NHS: variants seen among roughly 807,000 people sequenced by gnomAD.
The protein encoded by NHS is actin remodeling regulator NHS.
NHS carries 5 observed loss-of-function variants against 72.5 expected under a neutral mutation model. That is an observed-to-expected ratio of 0.07 (90% CI 0.04 to 0.14). The LOEUF (loss-of-function observed/expected upper bound fraction) is 0.14, where lower values mean the gene tolerates loss of function less well. NHS is among the 10% of genes least tolerant of loss of function. The pLI is 1.00. For synonymous variants in NHS, 464 were observed against 547.7 expected, an observed-to-expected ratio of 0.85 and a Z score of 2.13; for missense variants, 1,072 against 1,355.7, an observed-to-expected ratio of 0.79 and a Z score of 3.29.
At chrX:17,448,052 C>T (rs868856007) in intron 1 of NHS, among the ~76,000 whole-genome samples, 1 of 111,542 alleles carries the variant, frequency 9.0e-6, no homozygotes, top group Admixed American at 9.6e-5. Flanking sequence ...TTTTGAGTTG[C>T]TTCCTTCTGA....
chrX:17,434,739 G>A (rs746927865), intron 1 of NHS, among the ~76,000 whole-genome samples: 5 of 111,379 alleles, frequency 4.5e-5, no homozygotes, highest in East Asian at 2.8e-4. Context: ...CACCACGCCC[G>A]GCCTCAAACA....
At chrX:17,516,083 A>G (rs1324048267) in intron 1 of NHS, among the ~76,000 whole-genome samples, 1 of 111,113 alleles carries the variant, frequency 9.0e-6, no homozygotes, top group Non-Finnish European at 1.9e-5. Context: ...TTAATAGTAT[A>G]TTTTATTAAC....
At chrX:17,556,021 G>A (rs1184260851) in intron 1 of NHS, among the ~76,000 whole-genome samples, 1 of 112,798 alleles carries the variant, frequency 8.9e-6, no homozygotes, top group Non-Finnish European at 1.9e-5. Flanking sequence ...CAAGAGAGAA[G>A]AGCAGACGGG....
chrX:17,473,348 A>G (rs2064900269), intron 1 of NHS, among the ~76,000 whole-genome samples: 1 of 112,329 alleles, frequency 8.9e-6, no homozygotes, highest in Non-Finnish European at 1.9e-5. Context: ...TTTTTCCTCA[A>G]ATAAATAACC....
chrX:17,617,902 A>G (rs2065754301), intron 1 of NHS, among the ~76,000 whole-genome samples: 1 of 112,006 alleles, frequency 8.9e-6, no homozygotes, highest in Non-Finnish European at 1.9e-5. Flanking sequence ...TTTCTCCCCA[A>G]ATGAGCTTAT....
At chrX:17,653,213 T>G (rs2065938407) in intron 1 of NHS, among the ~76,000 whole-genome samples, 1 of 111,849 alleles carries the variant, frequency 8.9e-6, no homozygotes, top group South Asian at 3.7e-4. Context: ...TCATTGTGCT[T>G]TATTGTTTTA....
rs775863609 is a variant in NHS at position 17,634,612 on chromosome X, C to T, written c.566-53130C>T. ...GCCAAGAGGAAGATCTGAACAGGGT[C>T]CAGGATGGTTGCTGTTTGTGAAGTG... On this transcript the variant is annotated intron_variant, in intron 1 of 8. Transcript: ENST00000676302. 7.2e-4 allele frequency among the ~76,000 whole-genome samples: 79 copies of T among 109,597 alleles called. 2 individuals carry two copies. The highest frequency in any genetic ancestry group is 2.5e-4 in the Non-Finnish European group (13 of 52,775).
chrX:17,696,059 C>T (rs2066228173), intron 3 of NHS, among the ~76,000 whole-genome samples: 1 of 110,846 alleles, frequency 9.0e-6, no homozygotes, highest in South Asian at 3.8e-4. Flanking sequence ...GAGAAGAGAT[C>T]GAAACAAACG....
intron 3 of NHS, among the ~76,000 whole-genome samples, chrX:17,697,267 G>C (rs2066236690): frequency 9.0e-6 from 1 of 110,872 alleles, no homozygotes; most frequent in African/African-American, 3.3e-5. Flanking sequence ...CGCAGGAGTT[G>C]TATGTGTCCT....
intron 1 of NHS, among the ~76,000 whole-genome samples, chrX:17,518,859 A>C (rs1044199170): frequency 4.5e-5 from 5 of 111,476 alleles, no homozygotes; most frequent in African/African-American, 1.6e-4. Context: ...AACTCTGAGA[A>C]CCTCTGGTTA....
rs1231141307 is a variant in NHS at position 17,727,087 on chromosome X, G to A, written c.2981G>A (p.Arg994Lys). ...TCCCAAACATCACAATCAGAATCAA[G>A]AGCCACCACCCCATCTCTTCCTTCT... ...SESQTSQSES[R>K]ATTPSLPSVD... Residue 994 changes from arginine to lysine, a missense_variant, in exon 7 of 9, where the codon AGA (arginine) becomes AAA (lysine). Coordinates refer to ENST00000676302, the MANE Select transcript of NHS (RefSeq NM_001291867.2). 2.5e-6 allele frequency: 3 copies of A among 1,209,971 alleles called. No individual in the cohort carries two copies. Among genetic ancestry groups the A allele is most frequent in the South Asian group, 1.8e-5 (1 of 56,795 alleles).
At chrX:17,441,988 C>T (rs2064757443) in intron 1 of NHS, among the ~76,000 whole-genome samples, 1 of 111,911 alleles carries the variant, frequency 8.9e-6, no homozygotes, top group Non-Finnish European at 1.9e-5. Context: ...CCACCCCTGT[C>T]CCCAAGTTTC....
intron 1 of NHS, chrX:17,687,296 G>A (rs981871746): frequency 1.0e-5 from 2 of 194,143 alleles, no homozygotes; most frequent in Non-Finnish European, 1.9e-5. Context: ...CAGGGGCGGC[G>A]TGCAGAACTA....
rs1171584330 is a variant in NHS at position 17,404,943 on chromosome X, A to G, written c.565+28621A>G. ...TGACTTAGTCCACTTTGTACTCCCA[A>G]TTCTATAGTCAGAATAGGCTAATTT... On this transcript the variant is annotated intron_variant, in intron 1 of 8. Coordinates refer to ENST00000676302, the MANE Select transcript of NHS (RefSeq NM_001291867.2). 2.7e-5 allele frequency among the ~76,000 whole-genome samples: 3 copies of G among 111,327 alleles called. No homozygotes were observed. The East Asian group carries it at 8.5e-4, about 32-fold the overall frequency.
intron 1 of NHS, among the ~76,000 whole-genome samples, chrX:17,424,099 G>A (rs1052158747): frequency 8.9e-6 from 1 of 112,615 alleles, no homozygotes; most frequent in Admixed American, 9.4e-5. Context: ...GAGGGAGGAA[G>A]TGGTGTCAGG....
Position 17,456,927 on chromosome X carries a change from G to C in NHS, c.565+80605G>C, listed in dbSNP as rs183034011. ...TGAAGAAAGAAAGCTGTAGGACTCG[G>C]CTGGGATTTTTGAGGCCCAGAAGGC... On this transcript the variant is annotated intron_variant, in intron 1 of 8. Coordinates refer to ENST00000676302, the MANE Select transcript of NHS (RefSeq NM_001291867.2). Among the ~76,000 whole-genome samples, 96 of 112,111 alleles carry C rather than the reference G, an allele frequency of 8.6e-4. 1 individual carries two copies. In the East Asian group the frequency reaches 0.015, roughly 18 times the overall value.
intron 1 of NHS, among the ~76,000 whole-genome samples, chrX:17,552,738 T>C (rs1396191587): frequency 9.0e-6 from 1 of 111,514 alleles, no homozygotes; most frequent in Non-Finnish European, 1.9e-5. Flanking sequence ...CAGATATGGG[T>C]TGTGGCCTCC....
At chrX:17,606,911 C>T (rs1487430190) in intron 1 of NHS, among the ~76,000 whole-genome samples, 1 of 112,080 alleles carries the variant, frequency 8.9e-6, no homozygotes. Context: ...AAGTGCTTTA[C>T]GTGTATTAAC....
At chrX:17,635,176 T>C in intron 1 of NHS, 1 of 447,097 alleles carries the variant, frequency 2.2e-6, no homozygotes, top group Non-Finnish European at 3.0e-6. Flanking sequence ...CCAACTGCAA[T>C]TGGAGTAGCA....
Sources: gnomAD v4.1 joint callset for allele counts (sites outside exome capture counted in the v4.1 genomes callset) on GRCh38, gnomAD v4.1.1 for gene constraint, MANE v1.5 for transcripts, NCBI Gene and HGNC (gene_info 2026-07-23, HGNC 2026-07-21) for gene names.